Variants in DMXL2 observed in about 807,000 individuals in gnomAD.
The protein encoded by DMXL2 is Dmx like 2.
A neutral mutation model predicts 331.1 loss-of-function variants in DMXL2; 103 were observed. The ratio of observed to expected loss-of-function variants is 0.31; its 90% CI spans 0.27 to 0.37. The LOEUF (loss-of-function observed/expected upper bound fraction) is 0.37, where lower values mean the gene tolerates loss of function less well. Ranked by LOEUF, DMXL2 falls within the 10% of genes least tolerant of loss-of-function variation. DMXL2 has a pLI of 1.00. For missense variants in DMXL2, 3,171 were observed against 3,642.9 expected, an observed-to-expected ratio of 0.87 and a Z score of 3.33; for synonymous variants, 1,281 against 1,252.1, an observed-to-expected ratio of 1.02 and a Z score of -0.49.
chr15:51,594,351 A>C (rs1319602593), intron 1 of DMXL2, among the ~76,000 whole-genome samples: 4 of 151,962 alleles, frequency 2.6e-5, no homozygotes, highest in East Asian at 1.9e-4. Context: ...TACACCCTCC[A>C]AAGACTAAAC....
intron 6 of DMXL2, among the ~76,000 whole-genome samples, chr15:51,553,789 TA>T (rs34022999): frequency 0.47 from 69,388 of 147,068 alleles, 16,294 homozygotes; most frequent in Non-Finnish European, 0.52. Context: ...ATGCAGGGTT[TA>T]AAAAAAAAAA....
chr15:51,551,847 AAATT>A (rs2140969467), intron 6 of DMXL2, among the ~76,000 whole-genome samples: 1 of 152,378 alleles, frequency 6.6e-6, no homozygotes, highest in South Asian at 2.1e-4. Flanking sequence ...GTAAGGATAT[AAATT>A]ATTGTTTTAA....
chr15:51,508,660 CCAA>C (rs1311283638), intron 15 of DMXL2, among the ~76,000 whole-genome samples: 35 of 152,112 alleles, frequency 2.3e-4, no homozygotes, highest in Admixed American at 1.8e-3. Context: ...ACAAAGAAAT[CCAA>C]CAACAACAAT....
Position 51,536,847 on chromosome 15 carries a change from G to A in DMXL2, c.1633C>T (p.Arg545Trp), listed in dbSNP as rs558303192. The A allele has an allele frequency of 6.9e-6, 11 of 1,598,286 alleles. No individual in the cohort carries two copies. Among genetic ancestry groups the A allele is most frequent in the Admixed American group, 1.8e-5 (1 of 55,734 alleles). Residue 545 changes from arginine to tryptophan, a missense_variant, in exon 12 of 44, where the codon CGG becomes TGG. Physicochemically the swap from Arg to Trp is moderately radical, Grantham distance 101. Transcript: ENST00000560891. ...CCAGAGGGAAATGCAACAGGAATCC[G>A]AGAAGAAAAAGAAACCTGAAAAACA... ...FRQVQVSFSSRIPVAFPSGDA... is the reference protein window; with the variant it reads ...FRQVQVSFSSWIPVAFPSGDA...
chr15:51,449,963 A>G (rs992842799), intron 43 of DMXL2, among the ~76,000 whole-genome samples, 166 bp downstream of exon 43: 2 of 152,210 alleles, frequency 1.3e-5, no homozygotes, highest in African/African-American at 4.8e-5. Context: ...GTTTAGAAAG[A>G]ACCATACAGG....
intron 13 of DMXL2, among the ~76,000 whole-genome samples, chr15:51,526,256 C>G (rs1028417026): frequency 1.4e-4 from 22 of 152,060 alleles, no homozygotes; most frequent in African/African-American, 5.3e-4. Context: ...ACAAGAGTCT[C>G]TGCCTGGTAA....
chr15:51,496,947 A>G (rs1156343468), intron 18 of DMXL2, among the ~76,000 whole-genome samples: 1 of 152,208 alleles, frequency 6.6e-6, no homozygotes, highest in Non-Finnish European at 1.5e-5. Flanking sequence ...TACCTCATGA[A>G]TGTCCACTGT....
intron 13 of DMXL2, among the ~76,000 whole-genome samples, chr15:51,520,150 C>T (rs1340419314): frequency 6.6e-6 from 1 of 152,224 alleles, no homozygotes; most frequent in East Asian, 1.9e-4. Flanking sequence ...TCTTCTACCT[C>T]TGTGCATTGT....
At chr15:51,604,298 T>G (rs970798887) in intron 1 of DMXL2, among the ~76,000 whole-genome samples, 1 of 85,464 alleles carries the variant, frequency 1.2e-5, no homozygotes, top group Non-Finnish European at 2.5e-5. Flanking sequence ...AGTACTGCAA[T>G]AAGGAAAAAA....
chr15:51,470,805 CAG>C (rs1421280090), intron 29 of DMXL2, among the ~76,000 whole-genome samples: 5 of 152,116 alleles, frequency 3.3e-5, no homozygotes, highest in Admixed American at 2.6e-4. Context: ...GCTGGGAAAA[CAG>C]AGATGTATCA....
At chr15:51,468,795 G>C (rs776153464) in intron 29 of DMXL2, among the ~76,000 whole-genome samples, 3 of 152,172 alleles carry the variant, frequency 2.0e-5, no homozygotes, top group Admixed American at 6.5e-5. Flanking sequence ...AGTTAATCCT[G>C]TACTCCCTCT....
intron 27 of DMXL2, among the ~76,000 whole-genome samples, chr15:51,475,036 T>C (rs2140330249): frequency 6.6e-6 from 1 of 152,336 alleles, no homozygotes; most frequent in Admixed American, 6.5e-5. Flanking sequence ...AAAGTAACTT[T>C]ACAATGGAGA....
intron 1 of DMXL2, among the ~76,000 whole-genome samples, chr15:51,578,932 T>C (rs191593237): frequency 2.0e-4 from 30 of 152,228 alleles, no homozygotes; most frequent in Non-Finnish European, 3.5e-4. Context: ...CAGTGAGACT[T>C]CATCTCTACA....
chr15:51,557,218 A>G (rs2049655286), intron 6 of DMXL2, among the ~76,000 whole-genome samples: 1 of 152,362 alleles, frequency 6.6e-6, no homozygotes, highest in South Asian at 2.1e-4. Flanking sequence ...GCCAATATAC[A>G]AAAACTGCAT....
chr15:51,450,042 G>C, intron 43 of DMXL2, 87 bp downstream of exon 43: 26 of 1,222,366 alleles, frequency 2.1e-5, no homozygotes, highest in Non-Finnish European at 2.4e-5. Context: ...GAAATAAAGT[G>C]AAGCTTTATT....
chr15:51,552,663 T>C (rs555984437), intron 6 of DMXL2, among the ~76,000 whole-genome samples: 183 of 152,274 alleles, frequency 1.2e-3, no homozygotes, highest in African/African-American at 4.2e-3. Flanking sequence ...CCAGCATCCT[T>C]TGTAGGTATC....
intron 20 of DMXL2, 69 bp from the exon 21 acceptor site, chr15:51,488,714 T>C (rs1193103792): frequency 4.2e-5 from 57 of 1,348,870 alleles, no homozygotes; most frequent in Non-Finnish European, 4.1e-6. Flanking sequence ...TCAACAATAA[T>C]GTTCCCCTGC....
Position 51,486,227 on chromosome 15 carries a change from A to G in DMXL2, c.5328T>C (p.Ile1776=). The G allele has an allele frequency of 6.2e-7, 1 of 1,614,072 alleles. No homozygotes were observed. Among genetic ancestry groups the G allele is most frequent in the South Asian group, 1.1e-5 (1 of 91,080 alleles). Residue 1776 remains isoleucine (I), a synonymous_variant, in exon 23 of 44, where the codon ATT becomes ATC. Coordinates refer to ENST00000560891, the MANE Select transcript of DMXL2 (RefSeq NM_001378457.1). The stretch of plus-strand genomic sequence containing the variant: ...CTGAGCCATCCTTTTGGCAACCCAA[A>G]ATCTTCTGATTTAGGATGGATATAT... The part of the protein sequence containing the change: ...STYISILNQK[I]LGCQKDGSGF...
intron 1 of DMXL2, among the ~76,000 whole-genome samples, chr15:51,599,572 C>G (rs1425534776): frequency 6.6e-6 from 1 of 152,156 alleles, no homozygotes; most frequent in Non-Finnish European, 1.5e-5. Context: ...CAAATATATG[C>G]ATGTATACAT....
Sources: gnomAD v4.1 joint callset for allele counts (sites outside exome capture counted in the v4.1 genomes callset) on GRCh38, gnomAD v4.1.1 for gene constraint, MANE v1.5 for transcripts, NCBI Gene and HGNC (gene_info 2026-07-23, HGNC 2026-07-21) for gene names.